The following ARPP21 variants were observed in gnomAD, a reference collection of about 807,000 sequenced individuals.
ARPP21 encodes the protein cAMP regulated phosphoprotein 21, also known as cAMP-regulated phosphoprotein 21.
Under a neutral mutation model 113.2 loss-of-function variants are expected in ARPP21, and 69 were observed. The ratio of observed to expected loss-of-function variants is 0.61; its 90% confidence interval spans 0.50 to 0.74. The LOEUF is 0.74. Among genes scored for constraint, ARPP21 ranks in the 30% least tolerant of loss-of-function variants. The probability of loss-of-function intolerance (pLI) is 0.00; values close to 1 mark genes in which losing one functional copy is unlikely to be tolerated. For synonymous variants in ARPP21, 368 were observed against 375.5 expected, an observed-to-expected ratio of 0.98 and a Z score of 0.23; for missense variants, 1,070 against 1,037.4, an observed-to-expected ratio of 1.03 and a Z score of -0.43.
In ARPP21 at chr3:35,729,532, C is replaced by T. The variant is rs755093191; in HGVS notation, c.1455C>T (p.His485=). 6.2e-7 allele frequency: 1 copy of T among 1,612,946 alleles called. No individual in the cohort carries two copies. Among genetic ancestry groups the T allele is most frequent in the East Asian group, 2.2e-5 (1 of 44,864 alleles). ...CTGGAAGCATCCTTCTTAATCCACA[C>T]ACAGGTGAGTTACTACCTGCTTTAT... is the stretch of plus-strand genomic sequence containing the variant. The part of the protein sequence containing the change: ...IPPGSILLNP[H]TGQPFVNPDG... Residue 485 remains histidine (H), a synonymous_variant, in exon 15 of 21, where the codon CAC becomes CAT. Transcript: ENST00000684406.
intron 6 of ARPP21, among the ~76,000 whole-genome samples, chr3:35,688,971 G>A (rs971903537): frequency 2.7e-5 from 4 of 150,586 alleles, no homozygotes; most frequent in African/African-American, 9.7e-5. Context: ...TGGGAGTTCT[G>A]TCATGTGGGG....
At chr3:35,641,262 G>A (rs953371562) in intron 1 of ARPP21, among the ~76,000 whole-genome samples, 1 of 151,660 alleles carries the variant, frequency 6.6e-6, no homozygotes, top group Non-Finnish European at 1.5e-5. Context: ...AAACAAGAAG[G>A]ACATTCCCCA....
At chr3:35,663,336 A>AG (rs1708680243) in intron 1 of ARPP21, among the ~76,000 whole-genome samples, 2 of 152,190 alleles carry the variant, frequency 1.3e-5, no homozygotes, top group African/African-American at 4.8e-5. Context: ...ATAACAATCA[A>AG]TCACCTACAA....
At position 35,753,058 on chromosome 3, in the gene ARPP21, G is replaced by A. The variant is rs535458057; in HGVS notation, c.2137+9093G>A. Among the ~76,000 whole-genome samples, 9 of 151,542 alleles carry A rather than the reference G, an allele frequency of 5.9e-5. No homozygotes were observed. In the East Asian group the frequency reaches 1.8e-3, roughly 30 times the overall value. ...TGGCAGGAAGTGTGTGTGTGTGTGT[G>A]TGTGTGTGTGTGTGTGTAAGTGAGA... On this transcript the variant is annotated intron_variant, in intron 19 of 20. Coordinates refer to ENST00000684406, the MANE Select transcript of ARPP21 (RefSeq NM_001385562.1).
intron 9 of ARPP21, among the ~76,000 whole-genome samples, chr3:35,694,385 A>G (rs11924831): frequency 7.2e-4 from 109 of 151,584 alleles, no homozygotes; most frequent in African/African-American, 2.4e-3. Flanking sequence ...TTATAATAAC[A>G]TTGCCTACAG....
intron 5 of ARPP21, chr3:35,684,795 A>G (rs776158464): frequency 1.4e-5 from 14 of 984,912 alleles, no homozygotes; most frequent in Non-Finnish European, 1.7e-5. Flanking sequence ...TTGTCCTAAG[A>G]GAGTGTTTTT....
In ARPP21 at chr3:35,744,620, T is replaced by A. The variant is rs199974753; in HGVS notation, c.2137+655T>A. 1.9e-4 allele frequency: 84 copies of A among 452,950 alleles called. 2 individuals carry two copies. The East Asian group carries it at 3.5e-3, about 19-fold the overall frequency. 28.1% of individuals were successfully genotyped at this position (452,950 alleles called of 1,614,324 possible). A position where few individuals can be genotyped will look rare whatever the true frequency, so the allele number is the denominator to read the frequency against. The stretch of plus-strand genomic sequence containing the variant: ...CACGAACCCGACAGGGCTGAGTGGC[T>A]TGTGCTAGGGAGAGGTTTGTGTCAT... On this transcript the variant is annotated intron_variant, in intron 19 of 20. Transcript: ENST00000684406.
chr3:35,703,439 A>G (rs1329644299), intron 9 of ARPP21, among the ~76,000 whole-genome samples: 1 of 151,916 alleles, frequency 6.6e-6, no homozygotes, highest in Non-Finnish European at 1.5e-5. Flanking sequence ...CAAGAAATTG[A>G]CCAGAAATGC....
intron 19 of ARPP21, among the ~76,000 whole-genome samples, chr3:35,761,095 G>A (rs1467446877): frequency 6.6e-6 from 1 of 152,034 alleles, no homozygotes; most frequent in African/African-American, 2.4e-5. Context: ...AATCTACTTT[G>A]AGAATTCTTC....
At chr3:35,736,334 G>A (rs2094348760) in intron 15 of ARPP21, among the ~76,000 whole-genome samples, 1 of 151,970 alleles carries the variant, frequency 6.6e-6, no homozygotes, top group Non-Finnish European at 1.5e-5. Flanking sequence ...TCTCCTTTCA[G>A]CTTTTTATTC....
chr3:35,737,298 C>A lies in ARPP21; in HGVS notation c.1580C>A (p.Ser527Tyr), dbSNP rs2094417035. ...SQQQPPQQQP[S>Y]PQPQQQVQPP... The stretch of plus-strand genomic sequence containing the variant: ...CAGCAGCCACCACAGCAGCAGCCCT[C>A]CCCGCAGCCCCAACAGCAGGTCCAG... The change falls in exon 16 of 21, where the codon TCC becomes TAC. Residue 527 changes from serine to tyrosine, a missense_variant. Coordinates refer to ENST00000684406, the MANE Select transcript of ARPP21 (RefSeq NM_001385562.1). 2.5e-6 allele frequency: 4 copies of A among 1,612,912 alleles called. No individual in the cohort carries two copies. Among genetic ancestry groups the A allele is most frequent in the Non-Finnish European group, 2.5e-6 (3 of 1,179,186 alleles).
In ARPP21 at chr3:35,640,177, C is replaced by T. The variant is rs1476682733; in HGVS notation, c.-434C>T. 1 of 152,292 alleles carries T rather than the reference C, an allele frequency of 6.6e-6. No homozygotes were observed. The highest frequency in any genetic ancestry group is 2.4e-5 in the African/African-American group (1 of 41,458). 9.4% of individuals were successfully genotyped at this position (152,292 alleles called of 1,614,324 possible). On this transcript the variant is annotated 5_prime_UTR_variant, in exon 1 of 21. Transcript: ENST00000684406. ...CAGCTGTGTGGGATCCCAGCCGACA[C>T]TGCAGAAAGCTCCTTTTACTAGCAG...
chr3:35,656,515 T>C (rs1476298298), intron 1 of ARPP21, among the ~76,000 whole-genome samples: 1 of 152,012 alleles, frequency 6.6e-6, no homozygotes, highest in African/African-American at 2.4e-5. Context: ...ACACAATAGT[T>C]TGGATGGGTC....
intron 19 of ARPP21, among the ~76,000 whole-genome samples, chr3:35,764,140 C>T (rs2095872419): frequency 6.6e-6 from 1 of 152,018 alleles, no homozygotes; most frequent in Admixed American, 6.6e-5. Context: ...AGTGTCTGTT[C>T]CTGCCTCATA....
At chr3:35,716,034 G>T (rs981128819) in intron 12 of ARPP21, among the ~76,000 whole-genome samples, 1 of 152,044 alleles carries the variant, frequency 6.6e-6, no homozygotes, top group African/African-American at 2.4e-5. Context: ...GAGTTAGTAG[G>T]GGGAGGTAGT....
At chr3:35,727,865 C>T (rs1415192657) in intron 14 of ARPP21, among the ~76,000 whole-genome samples, 2 of 152,180 alleles carry the variant, frequency 1.3e-5, no homozygotes, top group South Asian at 2.1e-4. Context: ...CCAGTGAGTG[C>T]CCAATGGATA....
At chr3:35,663,190 T>C (rs1257475462) in intron 1 of ARPP21, among the ~76,000 whole-genome samples, 1 of 152,108 alleles carries the variant, frequency 6.6e-6, no homozygotes, top group Non-Finnish European at 1.5e-5. Context: ...AGCAGACGTA[T>C]CTAAATGCTT....
intron 1 of ARPP21, among the ~76,000 whole-genome samples, chr3:35,659,787 C>A (rs1706817725): frequency 6.6e-6 from 1 of 152,160 alleles, no homozygotes; most frequent in African/African-American, 2.4e-5. Flanking sequence ...AAGGAGAAAA[C>A]CTTTAGAGAA....
chr3:35,758,639 C>T (rs969024878), intron 19 of ARPP21, among the ~76,000 whole-genome samples: 3 of 151,956 alleles, frequency 2.0e-5, no homozygotes, highest in African/African-American at 7.2e-5. Flanking sequence ...CACCCTTCAG[C>T]CCTGCTGTTT....
Sources: allele counts gnomAD v4.1 joint callset (sites outside exome capture counted in the v4.1 genomes callset), GRCh38; gene constraint gnomAD v4.1.1; transcripts MANE v1.5; gene names NCBI Gene and HGNC (gene_info 2026-07-23, HGNC 2026-07-21).